The following KIFAP3 variants were observed in gnomAD, a reference collection of about 807,000 sequenced individuals.
The protein encoded by KIFAP3 is kinesin associated protein 3.
A neutral mutation model predicts 106.5 loss-of-function variants in KIFAP3; 68 were observed. That is an observed-to-expected ratio of 0.64 (90% CI 0.53 to 0.78). KIFAP3 has a LOEUF of 0.78. Among genes scored for constraint, KIFAP3 ranks in the 30% least tolerant of loss-of-function variants. The probability of loss-of-function intolerance (pLI) is 0.00; values close to 1 mark genes in which losing one functional copy is unlikely to be tolerated. For missense variants in KIFAP3, 780 were observed against 941.8 expected (o/e 0.83, Z 2.25); for synonymous variants, 320 against 311.5 (o/e 1.03, Z -0.29).
chr1:170,017,782 A>G (rs752447685), intron 9 of KIFAP3, among the ~76,000 whole-genome samples: 3 of 152,212 alleles, frequency 2.0e-5, no homozygotes, highest in Non-Finnish European at 1.5e-5. Flanking sequence ...GGCCTATTTA[A>G]AAACAGCAGT....
intron 10 of KIFAP3, among the ~76,000 whole-genome samples, chr1:170,008,704 C>T (rs1394227838): frequency 1.3e-5 from 2 of 152,226 alleles, no homozygotes; most frequent in Non-Finnish European, 2.9e-5. Context: ...TTGTGGAAGA[C>T]AGTGTGGCGA....
chr1:169,964,252 G>A (rs186992663), intron 17 of KIFAP3, among the ~76,000 whole-genome samples: 57 of 152,112 alleles, frequency 3.7e-4, no homozygotes, highest in African/African-American at 1.3e-3. Context: ...TAAAGTAACG[G>A]CTCTCTGACA....
chr1:170,080,015 G>A (rs1327984950), intron 1 of KIFAP3, among the ~76,000 whole-genome samples: 1 of 151,732 alleles, frequency 6.6e-6, no homozygotes, highest in Non-Finnish European at 1.5e-5. Context: ...GATTGGAAAG[G>A]AAAAGTAAAA....
intron 19 of KIFAP3, chr1:169,922,934 G>A: frequency 5.0e-6 from 1 of 200,328 alleles, no homozygotes; most frequent in Non-Finnish European, 8.9e-6. Flanking sequence ...CACTTTAGAA[G>A]TAACTATTAA....
At chr1:169,932,863 G>A (rs1332904203) in intron 19 of KIFAP3, among the ~76,000 whole-genome samples, 4 of 151,830 alleles carry the variant, frequency 2.6e-5, no homozygotes, top group African/African-American at 9.7e-5. Context: ...CTTATCAAAT[G>A]TAAGATGCTT....
intron 11 of KIFAP3, among the ~76,000 whole-genome samples, chr1:169,989,052 A>G (rs1043734844): frequency 5.9e-5 from 9 of 152,056 alleles, no homozygotes; most frequent in African/African-American, 2.2e-4. Flanking sequence ...TGAAAACTTC[A>G]TTGCATACAT....
At chr1:169,965,805 T>C (rs937890643) in intron 17 of KIFAP3, among the ~76,000 whole-genome samples, 5 of 152,014 alleles carry the variant, frequency 3.3e-5, no homozygotes, top group African/African-American at 1.2e-4. Flanking sequence ...AAAGAGATTA[T>C]CAAATCTATT....
chr1:170,067,423 T>C (rs1239234500), intron 1 of KIFAP3: 2 of 152,202 alleles, frequency 1.3e-5, no homozygotes, highest in African/African-American at 4.8e-5. Flanking sequence ...CAGTCAAAGG[T>C]TTACAGCAAC....
chr1:170,039,380 A>G (rs1669859752), intron 3 of KIFAP3, 92 bp from the exon 4 acceptor site: 1 of 631,572 alleles, frequency 1.6e-6, no homozygotes, highest in African/African-American at 1.8e-5. Flanking sequence ...ACTCTAGGTA[A>G]ACTGGGGATA....
Position 169,967,151 on chromosome 1 carries a change from T to C in KIFAP3, c.1983+5362A>G, listed in dbSNP as rs150141027. Reference sequence around the variant, plus strand: ...CAAAAGCACATTTGGGGGACAAATATTAAAAGTAAATCAACTGCCACCTAC... The same window carrying C: ...CAAAAGCACATTTGGGGGACAAATACTAAAAGTAAATCAACTGCCACCTAC... On this transcript the variant is annotated intron_variant, in intron 17 of 19. Coordinates refer to ENST00000361580, the MANE Select transcript of KIFAP3 (RefSeq NM_014970.4). Among the ~76,000 whole-genome samples the C allele has an allele frequency of 4.6e-5, 7 of 151,908 alleles. No individual in the cohort carries two copies. In the East Asian group the frequency reaches 9.7e-4, roughly 21 times the overall value.
intron 18 of KIFAP3, among the ~76,000 whole-genome samples, chr1:169,955,448 G>A (rs1664960319): frequency 6.6e-6 from 1 of 152,082 alleles, no homozygotes; most frequent in South Asian, 2.1e-4. Context: ...AGCTATAGAG[G>A]GGTCAGAAAA....
intron 19 of KIFAP3, among the ~76,000 whole-genome samples, chr1:169,932,814 G>A (rs1455736085): frequency 6.6e-6 from 1 of 151,296 alleles, no homozygotes; most frequent in Non-Finnish European, 1.5e-5. Context: ...TCACTTTAAG[G>A]AAGCAGACAA....
At chr1:169,951,909 A>G (rs1207481772) in intron 19 of KIFAP3, among the ~76,000 whole-genome samples, 1 of 151,982 alleles carries the variant, frequency 6.6e-6, no homozygotes, top group Non-Finnish European at 1.5e-5. Flanking sequence ...AAATTTTTCA[A>G]TATAAATATT....
At chr1:169,945,762 C>T (rs1664411098) in intron 19 of KIFAP3, among the ~76,000 whole-genome samples, 2 of 152,156 alleles carry the variant, frequency 1.3e-5, no homozygotes, top group South Asian at 4.1e-4. Flanking sequence ...TATAATTTCT[C>T]TAGGATAAAA....
In KIFAP3 at chr1:170,057,595, T is replaced by TG. The variant is rs1312783651; in HGVS notation, c.33-2160_33-2159insC. On this transcript the variant is annotated intron_variant, in intron 1 of 19. Transcript: ENST00000361580. Reference sequence around the variant, plus strand: ...ACAAAGAGAGAATGACAGCTATAGTTTTTTTTTTTTAACAGAAGAGGCTTA... The same window carrying TG: ...ACAAAGAGAGAATGACAGCTATAGTTGTTTTTTTTTTAACAGAAGAGGCTTA... 3.3e-5 allele frequency among the ~76,000 whole-genome samples: 5 copies of TG among 150,100 alleles called. No individual in the cohort carries two copies. In the East Asian group the frequency reaches 5.9e-4, roughly 18 times the overall value.
chr1:170,060,485 C>A (rs1285763116), intron 1 of KIFAP3, among the ~76,000 whole-genome samples: 1 of 152,148 alleles, frequency 6.6e-6, no homozygotes, highest in Admixed American at 6.5e-5. Context: ...AGGAGAACTA[C>A]AAACCACTGC....
chr1:170,016,635 T>C lies in KIFAP3; in HGVS notation c.1021-11A>G, dbSNP rs1668535003. The C allele has an allele frequency of 1.3e-6, 2 of 1,539,256 alleles. No homozygotes were observed. Among genetic ancestry groups the C allele is most frequent in the Admixed American group, 4.2e-5 (2 of 47,860 alleles). On this transcript the variant is annotated splice_polypyrimidine_tract_variant and intron_variant, in intron 9 of 19. Coordinates refer to ENST00000361580, the MANE Select transcript of KIFAP3 (RefSeq NM_014970.4). The stretch of plus-strand genomic sequence containing the variant: ...AATATCCATTTCCACCTAAGTAAAA[T>C]AATAATACAAATACAGTGAAGTTCT...
At chr1:170,065,508 G>A (rs1220039777) in intron 1 of KIFAP3, among the ~76,000 whole-genome samples, 1 of 151,204 alleles carries the variant, frequency 6.6e-6, no homozygotes, top group Non-Finnish European at 1.5e-5. Context: ...CAGCTACTTG[G>A]GAGGCTGAGG....
At chr1:169,958,929 T>TA (rs1037274005) in intron 18 of KIFAP3, among the ~76,000 whole-genome samples, 12 of 151,942 alleles carry the variant, frequency 7.9e-5, no homozygotes, top group Admixed American at 2.0e-4. Context: ...GATTTTTTTT[T>TA]AAAAAACATG....
Sources: gnomAD v4.1 joint callset for allele counts (sites outside exome capture counted in the v4.1 genomes callset) on GRCh38, gnomAD v4.1.1 for gene constraint, MANE v1.5 for transcripts, NCBI Gene and HGNC (gene_info 2026-07-23, HGNC 2026-07-21) for gene names.